Variants in ANKRD30B observed in about 807,000 individuals in gnomAD.
The protein encoded by ANKRD30B is ankyrin repeat domain-containing protein 30B.
ANKRD30B carries 144 observed loss-of-function variants against 202.2 expected under a neutral mutation model. That is an observed-to-expected ratio of 0.71 (90% CI 0.62 to 0.82). ANKRD30B has a LOEUF of 0.82. Ranked by LOEUF, ANKRD30B falls within the 40% of genes least tolerant of loss-of-function variation. The pLI, the probability that ANKRD30B is intolerant of heterozygous loss-of-function variation, is 0.00. For synonymous variants in ANKRD30B, 508 were observed against 561.3 expected (o/e 0.91, Z 1.34); for missense variants, 1,487 against 1,669.1 (o/e 0.89, Z 1.90).
chr18:14,778,754 C>G (rs1193411657), intron 10 of ANKRD30B, among the ~76,000 whole-genome samples: 1 of 152,142 alleles, frequency 6.6e-6, no homozygotes, highest in South Asian at 2.1e-4. Flanking sequence ...AATAAGTTCT[C>G]AAGTGATGCT....
At chr18:14,759,551 C>T (rs879318156) in intron 5 of ANKRD30B, among the ~76,000 whole-genome samples, 3 of 152,080 alleles carry the variant, frequency 2.0e-5, no homozygotes, top group Non-Finnish European at 4.4e-5. Flanking sequence ...GTTTTGTGTT[C>T]CACAGCAGCT....
chr18:14,849,062 C>T, intron 40 of ANKRD30B, 133 bp downstream of exon 40: 2 of 1,093,156 alleles, frequency 1.8e-6, no homozygotes, highest in Non-Finnish European at 2.4e-6. Context: ...GTGTCAAATT[C>T]TTTTAAATAA....
At chr18:14,748,736 G>A in intron 1 of ANKRD30B, 96 bp downstream of exon 1, 1 of 1,265,154 alleles carries the variant, frequency 7.9e-7, no homozygotes, top group Non-Finnish European at 1.1e-6. Flanking sequence ...TGGGGACGAG[G>A]GGAGCAGGTG....
At chr18:14,869,651 T>C in the ANKRD30B span, among the ~76,000 whole-genome samples, 1 of 151,736 alleles carries the variant, frequency 6.6e-6, no homozygotes, top group Non-Finnish European at 1.5e-5. Flanking sequence ...TAAATTTTTG[T>C]ATAATTAGCT....
At position 14,804,998 on chromosome 18, in the gene ANKRD30B, G is replaced by T. The variant is rs575508435; in HGVS notation, c.2284+1174G>T. ...GTGCTCCAGAGACTTTTGGAATCATGAGGATTACTAGAATAGGACTAAACC... is the reference window on the plus strand; with the variant it reads ...GTGCTCCAGAGACTTTTGGAATCATTAGGATTACTAGAATAGGACTAAACC... On this transcript the variant is annotated intron_variant, in intron 24 of 43. Coordinates refer to ENST00000690538, the MANE Select transcript of ANKRD30B (RefSeq NM_001367607.2). 1.5e-3 allele frequency among the ~76,000 whole-genome samples: 227 copies of T among 150,758 alleles called. 5 individuals carry two copies. Among genetic ancestry groups the T allele is most frequent in the Middle Eastern group, 6.8e-3 (2 of 292 alleles).
chr18:14,846,279 T>A (rs904702198), intron 39 of ANKRD30B, among the ~76,000 whole-genome samples: 13 of 152,080 alleles, frequency 8.5e-5, no homozygotes, highest in African/African-American at 2.7e-4. Context: ...CAGGGTTATT[T>A]GGATGTTATG....
In ANKRD30B at chr18:14,836,646, AG is replaced by A. The variant is rs534510409; in HGVS notation, c.2848-561del. On this transcript the variant is annotated intron_variant, in intron 34 of 43. Transcript: ENST00000690538. Reference sequence around the variant, plus strand: ...TATTGAGTGGATACCCATTACATGAAGGGGTAAGTTCACATTCTAGGGTGAT... The same window carrying A: ...TATTGAGTGGATACCCATTACATGAAGGGTAAGTTCACATTCTAGGGTGAT... Among the ~76,000 whole-genome samples the A allele has an allele frequency of 8.1e-4, 124 of 152,276 alleles. 1 individual carries two copies. Among genetic ancestry groups the A allele is most frequent in the Non-Finnish European group, 1.4e-3 (98 of 68,038 alleles).
At chr18:14,847,548 C>T (rs1289584487) in intron 39 of ANKRD30B, among the ~76,000 whole-genome samples, 1 of 115,106 alleles carries the variant, frequency 8.7e-6, no homozygotes, top group Non-Finnish European at 1.8e-5. Flanking sequence ...CTCATATCTA[C>T]TCAGTGTAGC....
At chr18:14,759,948 C>G (rs1254388691) in intron 5 of ANKRD30B, among the ~76,000 whole-genome samples, 1 of 152,082 alleles carries the variant, frequency 6.6e-6, no homozygotes, top group Non-Finnish European at 1.5e-5. Context: ...CCCTGTGTTG[C>G]CCAAGCTGGT....
intron 30 of ANKRD30B, among the ~76,000 whole-genome samples, chr18:14,817,683 T>C (rs1425324153): frequency 6.6e-6 from 1 of 152,240 alleles, no homozygotes; most frequent in Non-Finnish European, 1.5e-5. Flanking sequence ...TTAGTGAGGA[T>C]GTACATTTAT....
At chr18:14,835,452 T>C (rs949303841) in intron 34 of ANKRD30B, among the ~76,000 whole-genome samples, 3 of 151,590 alleles carry the variant, frequency 2.0e-5, no homozygotes, top group Non-Finnish European at 4.4e-5. Flanking sequence ...TTTATATTAT[T>C]TCCAGGAAGC....
intron 12 of ANKRD30B, 98 bp from the exon 13 acceptor site, chr18:14,784,238 T>TCATTCG: frequency 7.2e-6 from 9 of 1,244,404 alleles, no homozygotes; most frequent in Non-Finnish European, 1.0e-5. Context: ...ATTCTCAAAG[T>TCATTCG]CAACCAAGAG....
chr18:14,892,778 C>A, the ANKRD30B span, among the ~76,000 whole-genome samples: 1 of 140,734 alleles, frequency 7.1e-6, no homozygotes. Context: ...ATTAGTTGGG[C>A]ATGGTGGTGA....
At chr18:14,859,854 G>A in the ANKRD30B span, among the ~76,000 whole-genome samples, 2 of 62,562 alleles carry the variant, frequency 3.2e-5, no homozygotes, top group Non-Finnish European at 6.3e-5. Flanking sequence ...AGATGGCGCG[G>A]CCAGGCAGAG....
At chr18:14,760,804 C>T (rs2143706335) in intron 6 of ANKRD30B, among the ~76,000 whole-genome samples, 186 bp downstream of exon 6, 1 of 151,842 alleles carries the variant, frequency 6.6e-6, no homozygotes, top group Non-Finnish European at 1.5e-5. Context: ...ATTTATTATT[C>T]AGAATTAGTT....
At chr18:14,779,553 T>C (rs2143842511) in intron 10 of ANKRD30B, among the ~76,000 whole-genome samples, 1 of 152,312 alleles carries the variant, frequency 6.6e-6, no homozygotes, top group East Asian at 1.9e-4. Context: ...TTTGAAGAAC[T>C]GTGTAATAAA....
chr18:14,856,400 C>T (rs573233983), downstream of ANKRD30B, among the ~76,000 whole-genome samples: 214 of 137,454 alleles, frequency 1.6e-3, 6 homozygotes, highest in African/African-American at 5.4e-3. Flanking sequence ...TGGGCAGAGG[C>T]GCTCTTCACT....
chr18:14,922,168 C>A, the ANKRD30B span, among the ~76,000 whole-genome samples: 1 of 152,222 alleles, frequency 6.6e-6, no homozygotes, highest in East Asian at 1.9e-4. Context: ...AGATTGGGGA[C>A]TTTGCATTGG....
chr18:14,770,445 A>C (rs964600837), intron 8 of ANKRD30B, among the ~76,000 whole-genome samples: 1 of 152,160 alleles, frequency 6.6e-6, no homozygotes. Flanking sequence ...TTTTTATATC[A>C]TCATGTAGGT....
Sources: gnomAD v4.1 joint callset for allele counts (sites outside exome capture counted in the v4.1 genomes callset) on GRCh38, gnomAD v4.1.1 for gene constraint, MANE v1.5 for transcripts, NCBI Gene and HGNC (gene_info 2026-07-23, HGNC 2026-07-21) for gene names.